The following GRM5 variants were observed in gnomAD, a reference collection of about 807,000 sequenced individuals.
The protein encoded by GRM5 is metabotropic glutamate receptor 5.
In GRM5, 19 loss-of-function variants were observed where a neutral mutation model predicts 83.1. That is an observed-to-expected ratio of 0.23 (90% CI 0.16 to 0.34). The LOEUF is 0.34. GRM5 is among the 10% of genes least tolerant of loss of function. The pLI is 1.00. For synonymous variants in GRM5, 675 were observed against 633.6 expected (o/e 1.07, Z -0.98); for missense variants, 1,160 against 1,588.3 (o/e 0.73, Z 4.58).
intron 2 of GRM5, among the ~76,000 whole-genome samples, chr11:88,967,219 A>G (rs1398120590): frequency 6.3e-5 from 9 of 143,304 alleles, no homozygotes; most frequent in Non-Finnish European, 1.1e-4. Flanking sequence ...GTGTGTATAT[A>G]TGTGTGTGTA....
chr11:88,518,552 A>C (rs1941587694), intron 9 of GRM5, among the ~76,000 whole-genome samples: 1 of 152,036 alleles, frequency 6.6e-6, no homozygotes, highest in African/African-American at 2.4e-5. Flanking sequence ...TAAACAAATT[A>C]AACTAATTTC....
At chr11:88,639,898 CA>C (rs1284949485) in intron 4 of GRM5, among the ~76,000 whole-genome samples, 1 of 152,138 alleles carries the variant, frequency 6.6e-6, no homozygotes, top group Non-Finnish European at 1.5e-5. Flanking sequence ...TCTGGGATCT[CA>C]CTGAGTATTT....
chr11:88,571,347 T>C (rs931925750), intron 7 of GRM5, among the ~76,000 whole-genome samples: 3 of 152,220 alleles, frequency 2.0e-5, no homozygotes, highest in African/African-American at 7.2e-5. Flanking sequence ...ATATATTAAA[T>C]GAATGCTTCT....
At chr11:88,898,657 A>G (rs1945271435) in intron 2 of GRM5, among the ~76,000 whole-genome samples, 1 of 152,028 alleles carries the variant, frequency 6.6e-6, no homozygotes, top group Non-Finnish European at 1.5e-5. Flanking sequence ...ACACATAAAC[A>G]CACAGATTTG....
chr11:89,056,456 C>T (rs1328388110), intron 1 of GRM5, among the ~76,000 whole-genome samples: 3 of 152,116 alleles, frequency 2.0e-5, no homozygotes, highest in African/African-American at 4.8e-5. Context: ...AAAAATACCA[C>T]AATACTTTAT....
chr11:88,872,131 G>A (rs916473853), intron 2 of GRM5, among the ~76,000 whole-genome samples: 1 of 151,420 alleles, frequency 6.6e-6, no homozygotes, highest in African/African-American at 2.4e-5. Flanking sequence ...ATTAAGCATT[G>A]TTAAGGTATT....
intron 3 of GRM5, among the ~76,000 whole-genome samples, chr11:88,660,621 C>T (rs537988241): frequency 1.3e-5 from 2 of 152,290 alleles, no homozygotes; most frequent in East Asian, 3.9e-4. Flanking sequence ...GGAAATATAA[C>T]TATGTGTGGG....
intron 4 of GRM5, among the ~76,000 whole-genome samples, chr11:88,635,689 T>G (rs1296680635): frequency 6.6e-6 from 1 of 152,208 alleles, no homozygotes; most frequent in Non-Finnish European, 1.5e-5. Flanking sequence ...TCTAGTTTGA[T>G]TAAATTCCTT....
At chr11:88,745,938 G>A (rs1482726336) in intron 3 of GRM5, among the ~76,000 whole-genome samples, 2 of 152,156 alleles carry the variant, frequency 1.3e-5, no homozygotes, top group Non-Finnish European at 2.9e-5. Flanking sequence ...TAGTCCGTCT[G>A]TGTCTTGGTT....
chr11:88,559,731 G>A (rs536674236), intron 8 of GRM5, among the ~76,000 whole-genome samples: 4 of 152,232 alleles, frequency 2.6e-5, no homozygotes, highest in Admixed American at 2.6e-4. Context: ...CACTGTGCAC[G>A]GTGCAAATGA....
At chr11:88,582,215 T>C (rs954814639) in intron 7 of GRM5, among the ~76,000 whole-genome samples, 6 of 152,212 alleles carry the variant, frequency 3.9e-5, no homozygotes, top group East Asian at 1.9e-4. Flanking sequence ...TCGATCACCA[T>C]TGTGTGCCCA....
At chr11:88,576,669 G>A (rs1270842602) in intron 7 of GRM5, among the ~76,000 whole-genome samples, 2 of 152,102 alleles carry the variant, frequency 1.3e-5, no homozygotes, top group African/African-American at 4.8e-5. Context: ...AACCCTTGCA[G>A]AAGAATTCAC....
At chr11:88,599,769 T>A (rs1337548004) in intron 5 of GRM5, among the ~76,000 whole-genome samples, 1 of 152,050 alleles carries the variant, frequency 6.6e-6, no homozygotes, top group Non-Finnish European at 1.5e-5. Context: ...ATCCCAGCAC[T>A]TTGGGAGGCT....
chr11:88,584,598 G>A (rs578213169), intron 7 of GRM5, among the ~76,000 whole-genome samples: 8 of 151,924 alleles, frequency 5.3e-5, no homozygotes, highest in Admixed American at 3.3e-4. Context: ...ATGCACCACC[G>A]TGGCTGGCTA....
chr11:88,699,310 C>T lies in GRM5; in HGVS notation c.912-45907G>A, dbSNP rs572353273. 1.2e-4 allele frequency among the ~76,000 whole-genome samples: 19 copies of T among 152,244 alleles called. No homozygotes were observed. The East Asian group carries it at 1.9e-3, about 15-fold the overall frequency. ...AAAAGCATATGAATGAAAAACTCAT[C>T]GTGGAATCAGATCCCAAGCAGGGTT... On this transcript the variant is annotated intron_variant, in intron 3 of 9. Transcript: ENST00000305447.
Position 88,567,082 on chromosome 11 carries a change from C to A in GRM5, c.2601G>T (p.Lys867Asn). 1 of 1,613,200 alleles carries A rather than the reference C, an allele frequency of 6.2e-7. No homozygotes were observed. The highest frequency in any genetic ancestry group is 8.5e-7 in the Non-Finnish European group (1 of 1,179,400). ...AGGTTTCCCCAGAGGAGCCCCTTCT[C>A]TTCCACAGGTTGACTAGGCTGCTGG... ...SRSSSLVNLW[K>N]RRGSSGETLR... The change falls in exon 8 of 10, where the codon AAG (lysine) becomes AAT (asparagine). Residue 867 changes from lysine to asparagine, a missense_variant. Transcript: ENST00000305447. The surrounding 1 kb of genome is among the most constrained non-coding windows in gnomAD (Gnocchi z 7.3).
chr11:88,869,133 C>A (rs1242683736), intron 2 of GRM5, among the ~76,000 whole-genome samples: 1 of 151,636 alleles, frequency 6.6e-6, no homozygotes, highest in Non-Finnish European at 1.5e-5. Context: ...AATGTGGCTC[C>A]TTTTTTTCCT....
At chr11:88,731,256 T>A (rs12294489) in intron 3 of GRM5, among the ~76,000 whole-genome samples, 4,687 of 151,994 alleles carry the variant, frequency 0.031, 229 homozygotes, top group African/African-American at 0.11. Context: ...TATACATGAG[T>A]CTCTAGTAAT....
intron 4 of GRM5, among the ~76,000 whole-genome samples, chr11:88,635,922 T>A (rs778657314): frequency 2.6e-5 from 4 of 152,226 alleles, no homozygotes; most frequent in Admixed American, 6.5e-5. Context: ...TAAATGATAC[T>A]AATGTATTAA....
Sources: gnomAD v4.1 joint callset for allele counts (sites outside exome capture counted in the v4.1 genomes callset) on GRCh38, gnomAD v4.1.1 for gene constraint, Gnocchi (gnomAD v3.1) non-coding constraint, MANE v1.5 for transcripts, NCBI Gene and HGNC (gene_info 2026-07-23, HGNC 2026-07-21) for gene names.